Variants in DOCK2 observed in about 807,000 individuals in gnomAD.
The protein encoded by DOCK2 is dedicator of cytokinesis protein 2.
DOCK2 carries 87 observed loss-of-function variants against 248.9 expected under a neutral mutation model. The ratio of observed to expected loss-of-function variants is 0.35; its 90% CI spans 0.29 to 0.42. The LOEUF is 0.42. Ranked by LOEUF, DOCK2 falls within the 10% of genes least tolerant of loss-of-function variation. The pLI, the probability that DOCK2 is intolerant of heterozygous loss-of-function variation, is 1.00. For synonymous variants in DOCK2, 805 were observed against 821.6 expected (o/e 0.98, Z 0.35); for missense variants, 1,747 against 2,300.2 (o/e 0.76, Z 4.92).
intron 29 of DOCK2, among the ~76,000 whole-genome samples, chr5:169,988,806 C>T (rs965826808): frequency 2.6e-5 from 4 of 152,144 alleles, no homozygotes; most frequent in African/African-American, 9.7e-5. Context: ...GCATTTTGCC[C>T]AGAGAGGTGA....
chr5:170,041,190 A>G (rs1412593853), intron 37 of DOCK2, 45 bp downstream of exon 37: 1 of 1,488,876 alleles, frequency 6.7e-7, no homozygotes, highest in African/African-American at 1.4e-5. Context: ...GGATCCTGAC[A>G]GGGCCTCACA....
intron 27 of DOCK2, among the ~76,000 whole-genome samples, chr5:169,887,807 A>G (rs1162333145): frequency 6.6e-6 from 1 of 152,132 alleles, no homozygotes; most frequent in Non-Finnish European, 1.5e-5. Flanking sequence ...CCATGTTACC[A>G]CTCATCCTTC....
intron 2 of DOCK2, among the ~76,000 whole-genome samples, chr5:169,666,152 G>A (rs1250500517): frequency 6.6e-6 from 1 of 152,084 alleles, no homozygotes; most frequent in Non-Finnish European, 1.5e-5. Context: ...TTCTTGGTTT[G>A]TAGATGGCTG....
chr5:169,883,757 G>A (rs1441111412), intron 27 of DOCK2: 1 of 1,551,504 alleles, frequency 6.4e-7, no homozygotes, highest in Non-Finnish European at 8.7e-7. Flanking sequence ...AGGCCAGTTG[G>A]ATTCTTAGTG....
At chr5:169,813,767 T>TAGC in intron 26 of DOCK2, among the ~76,000 whole-genome samples, 1 of 152,122 alleles carries the variant, frequency 6.6e-6, no homozygotes, top group South Asian at 2.1e-4. Flanking sequence ...TCTTTCCTAA[T>TAGC]AGCATTGAGA....
rs1433471549 is a variant in DOCK2 at position 169,833,899 on chromosome 5, T to C, written c.2704-6858T>C. On this transcript the variant is annotated intron_variant, in intron 26 of 51. Coordinates refer to ENST00000520908, the MANE Select transcript of DOCK2 (RefSeq NM_004946.3). Reference sequence around the variant, plus strand: ...ATATTGGCATCTCTCCAACTAAATGTCCCAACCAGATTACCCTGCAGTAAG... The same window carrying C: ...ATATTGGCATCTCTCCAACTAAATGCCCCAACCAGATTACCCTGCAGTAAG... 2.0e-5 allele frequency among the ~76,000 whole-genome samples: 3 copies of C among 152,184 alleles called. No homozygotes were observed. The South Asian group carries it at 6.2e-4, about 31-fold the overall frequency.
intron 23 of DOCK2, among the ~76,000 whole-genome samples, chr5:169,757,841 C>A (rs1205946309): frequency 6.6e-6 from 1 of 151,944 alleles, no homozygotes; most frequent in Non-Finnish European, 1.5e-5. Context: ...TACTAGCCAC[C>A]AAAAAGTTGC....
chr5:169,670,997 C>A, intron 4 of DOCK2, 81 bp from the exon 5 acceptor site: 1 of 1,239,726 alleles, frequency 8.1e-7, no homozygotes, highest in Non-Finnish European at 1.2e-6. Flanking sequence ...GCAGCTGCAG[C>A]TTAATGCAAA....
chr5:169,847,376 A>G (rs1244235065), intron 27 of DOCK2, among the ~76,000 whole-genome samples: 1 of 152,182 alleles, frequency 6.6e-6, no homozygotes, highest in Non-Finnish European at 1.5e-5. Flanking sequence ...TAACTTTTTA[A>G]TAATGGCCAT....
At chr5:169,929,741 CAAAA>C (rs1211612989) in intron 27 of DOCK2, among the ~76,000 whole-genome samples, 6 of 62,956 alleles carry the variant, frequency 9.5e-5, no homozygotes, top group Admixed American at 1.7e-4. Flanking sequence ...GACCCTGTCT[CAAAA>C]AAAAAAAAAA....
chr5:169,977,079 G>A (rs1777742044), intron 27 of DOCK2, among the ~76,000 whole-genome samples: 1 of 152,200 alleles, frequency 6.6e-6, no homozygotes, highest in Admixed American at 6.5e-5. Context: ...GGGGAACTAA[G>A]TTTTCGATGA....
chr5:169,996,019 G>A, intron 29 of DOCK2, 67 bp from the exon 30 acceptor site: 2 of 1,551,644 alleles, frequency 1.3e-6, no homozygotes, highest in Middle Eastern at 3.4e-4. Flanking sequence ...ATTTTAGTCT[G>A]GCATAAGGAC....
At chr5:169,696,021 A>C (rs1051479543) in intron 10 of DOCK2, 83 bp downstream of exon 10, 1 of 1,475,630 alleles carries the variant, frequency 6.8e-7, no homozygotes, top group South Asian at 1.5e-5. Context: ...TTGTTTCCCA[A>C]CCGCCTCCTG....
At chr5:169,943,806 C>T (rs1410575147) in intron 27 of DOCK2, among the ~76,000 whole-genome samples, 2 of 152,196 alleles carry the variant, frequency 1.3e-5, no homozygotes, top group African/African-American at 4.8e-5. Context: ...GTGTTTTAGC[C>T]AGCCCCCAAG....
rs2113858217 is a variant in DOCK2 at position 170,056,707 on chromosome 5, A to G, written c.4319A>G (p.Gln1440Arg). Residue 1440 changes from glutamine (Q) to arginine (R), a missense_variant, in exon 43 of 52, where the codon CAA becomes CGA. By Grantham distance (43) the Gln-to-Arg change is conservative (BLOSUM62 1). This residue lies in a region of DOCK2 where 513 missense variants were observed against 586.1 expected (regional missense o/e 0.88). Coordinates refer to ENST00000520908, the MANE Select transcript of DOCK2 (RefSeq NM_004946.3). Reference protein sequence around the residue: ...IINFYKSNYVQRFHYSRPVRR... With the variant: ...IINFYKSNYVRRFHYSRPVRR... ...AGCTTCTACAAATCCAACTACGTGCAAAGGTTCCACTACTCCCGGCCCGTG... is the reference window on the plus strand; with the variant it reads ...AGCTTCTACAAATCCAACTACGTGCGAAGGTTCCACTACTCCCGGCCCGTG... 4 of 1,614,084 alleles carry G rather than the reference A, an allele frequency of 2.5e-6. No homozygotes were observed. Among genetic ancestry groups the G allele is most frequent in the Non-Finnish European group, 3.4e-6 (4 of 1,179,976 alleles).
At chr5:169,964,425 G>A (rs952448072) in intron 27 of DOCK2, among the ~76,000 whole-genome samples, 2 of 152,244 alleles carry the variant, frequency 1.3e-5, no homozygotes, top group Non-Finnish European at 2.9e-5. Flanking sequence ...AAATGTTCAA[G>A]CAGCAGGAGA....
intron 38 of DOCK2, among the ~76,000 whole-genome samples, chr5:170,044,927 TC>T (rs1182431969): frequency 1.3e-5 from 2 of 152,086 alleles, no homozygotes; most frequent in Admixed American, 6.5e-5. Context: ...ACCCTGCATC[TC>T]CCCTGACTCT....
At chr5:170,015,623 G>A (rs1461256212) in intron 32 of DOCK2, among the ~76,000 whole-genome samples, 3 of 151,880 alleles carry the variant, frequency 2.0e-5, no homozygotes, top group African/African-American at 4.8e-5. Flanking sequence ...AAAGTCCCCC[G>A]GAGGCTTGCT....
chr5:169,880,702 T>C (rs564515751), intron 27 of DOCK2, among the ~76,000 whole-genome samples: 2 of 152,342 alleles, frequency 1.3e-5, no homozygotes, highest in South Asian at 4.1e-4. Context: ...TAGGGATAAT[T>C]GTTCCCTATT....
Sources: allele counts gnomAD v4.1 joint callset (sites outside exome capture counted in the v4.1 genomes callset), GRCh38; gene constraint gnomAD v4.1.1; regional missense constraint gnomAD v4.1.1; transcripts MANE v1.5; gene names NCBI Gene and HGNC (gene_info 2026-07-23, HGNC 2026-07-21).